The following LEKR1 variants were observed in gnomAD, a reference collection of about 807,000 sequenced individuals.
The protein encoded by LEKR1 is protein LEKR1.
In LEKR1, 59 loss-of-function variants were observed where a neutral mutation model predicts 72.4. That is an observed-to-expected ratio of 0.82 (90% confidence interval 0.66 to 1.01). LEKR1 has a LOEUF of 1.01. LEKR1 is among the 50% of genes least tolerant of loss of function. The probability of loss-of-function intolerance (pLI) is 0.00; values close to 1 mark genes in which losing one functional copy is unlikely to be tolerated. For synonymous variants in LEKR1, 257 were observed against 263.2 expected (o/e 0.98, Z 0.23); for missense variants, 728 against 759.2 (o/e 0.96, Z 0.48).
At chr3:156,853,073 T>G in intron 3 of LEKR1, 91 bp downstream of exon 3, 1 of 757,284 alleles carries the variant, frequency 1.3e-6, no homozygotes. Context: ...AAAATTTCTC[T>G]ACATCAGGTA....
intron 12 of LEKR1, among the ~76,000 whole-genome samples, chr3:157,041,239 C>A (rs1735319023): frequency 6.6e-6 from 1 of 152,136 alleles, no homozygotes; most frequent in Non-Finnish European, 1.5e-5. Context: ...TAGTTCTCCC[C>A]TGCCTAGACC....
intron 12 of LEKR1, among the ~76,000 whole-genome samples, chr3:157,042,636 C>T (rs1577034712): frequency 1.3e-5 from 2 of 152,232 alleles, no homozygotes; most frequent in East Asian, 3.9e-4. Context: ...GATCATTACT[C>T]CTTTCCTTTG....
intron 3 of LEKR1, among the ~76,000 whole-genome samples, chr3:156,884,028 GTC>G (rs1361369717): frequency 6.6e-6 from 1 of 152,112 alleles, no homozygotes; most frequent in Non-Finnish European, 1.5e-5. Flanking sequence ...ATTACATAAT[GTC>G]TCTGTCTTTT....
intron 6 of LEKR1, among the ~76,000 whole-genome samples, chr3:156,955,326 A>T (rs1039190030): frequency 3.9e-5 from 6 of 151,974 alleles, no homozygotes; most frequent in African/African-American, 1.4e-4. Context: ...TCCTATTTGG[A>T]TATCCTTTAT....
At chr3:156,919,130 G>A (rs1299185187) in intron 3 of LEKR1, among the ~76,000 whole-genome samples, 1 of 152,156 alleles carries the variant, frequency 6.6e-6, no homozygotes, top group Non-Finnish European at 1.5e-5. Flanking sequence ...CTTGCAAATC[G>A]AGAGTACCCT....
At chr3:156,950,184 C>T (rs1727024106) in intron 6 of LEKR1, among the ~76,000 whole-genome samples, 1 of 151,164 alleles carries the variant, frequency 6.6e-6, no homozygotes, top group Admixed American at 6.6e-5. Flanking sequence ...ATTTCTTCTT[C>T]TTTATTTGTA....
chr3:156,943,150 A>G (rs1726376413), intron 6 of LEKR1, among the ~76,000 whole-genome samples: 1 of 151,992 alleles, frequency 6.6e-6, no homozygotes, highest in Non-Finnish European at 1.5e-5. Context: ...GTGTCTTGAC[A>G]GTAAATGTAA....
chr3:156,879,894 T>C (rs1719084452), intron 3 of LEKR1, among the ~76,000 whole-genome samples: 1 of 152,126 alleles, frequency 6.6e-6, no homozygotes, highest in African/African-American at 2.4e-5. Flanking sequence ...AGAATTGAGG[T>C]TTGGGAACCT....
At chr3:157,025,059 G>A (rs1381822042) in intron 11 of LEKR1, 135 bp downstream of exon 11, 3 of 585,194 alleles carry the variant, frequency 5.1e-6, no homozygotes, top group East Asian at 3.0e-5. Context: ...TTTTAGCTAT[G>A]CAGGTAAGAC....
intron 3 of LEKR1, among the ~76,000 whole-genome samples, chr3:156,855,490 G>A (rs967614351): frequency 1.3e-5 from 2 of 152,056 alleles, no homozygotes; most frequent in African/African-American, 4.8e-5. Flanking sequence ...TTGTTTATTT[G>A]TAGGTGCTTT....
rs564668960 is a variant in LEKR1, at chr3:156,948,442, A to G, written c.745+5728A>G. Among the ~76,000 whole-genome samples the G allele has an allele frequency of 2.0e-5, 3 of 151,312 alleles. No homozygotes were observed. The South Asian group carries it at 6.2e-4, about 31-fold the overall frequency. On this transcript the variant is annotated intron_variant, in intron 6 of 12. Coordinates refer to ENST00000356539, the MANE Select transcript of LEKR1 (RefSeq NM_001004316.3). Reference sequence around the variant, plus strand: ...GGCCTACAACTTCCCAAAAGAGTTCATCTATTTTTTCCCAGTGTTTATATC... The same window carrying G: ...GGCCTACAACTTCCCAAAAGAGTTCGTCTATTTTTTCCCAGTGTTTATATC...
intron 3 of LEKR1, among the ~76,000 whole-genome samples, chr3:156,865,778 A>G (rs1229743822): frequency 6.6e-6 from 1 of 151,972 alleles, no homozygotes; most frequent in African/African-American, 2.4e-5. Flanking sequence ...TTATCCCTCG[A>G]GCCTCACTCT....
intron 5 of LEKR1, among the ~76,000 whole-genome samples, chr3:156,937,370 T>C (rs1725814776): frequency 1.3e-5 from 2 of 151,994 alleles, no homozygotes; most frequent in African/African-American, 4.8e-5. Context: ...AAGATATCAG[T>C]AGAAATTTAA....
intron 3 of LEKR1, among the ~76,000 whole-genome samples, chr3:156,909,836 T>C (rs761898908): frequency 7.2e-5 from 11 of 152,116 alleles, no homozygotes; most frequent in East Asian, 1.9e-4. Flanking sequence ...TCTTGGTGCA[T>C]TGGGCTTTTT....
chr3:156,872,957 C>G (rs1718127668), intron 3 of LEKR1, among the ~76,000 whole-genome samples: 1 of 151,752 alleles, frequency 6.6e-6, no homozygotes, highest in African/African-American at 2.4e-5. Context: ...CTGTTAGGTC[C>G]CTTTAGTTTA....
intron 2 of LEKR1, among the ~76,000 whole-genome samples, chr3:156,830,609 AG>A (rs1712251177): frequency 6.6e-6 from 1 of 152,202 alleles, no homozygotes; most frequent in Admixed American, 6.5e-5. Flanking sequence ...TTATAATGAA[AG>A]CATAGTTTTT....
At chr3:156,868,851 C>A (rs1015813931) in intron 3 of LEKR1, among the ~76,000 whole-genome samples, 1 of 151,486 alleles carries the variant, frequency 6.6e-6, no homozygotes, top group African/African-American at 2.4e-5. Flanking sequence ...TCCCACCATA[C>A]AGCATTCTCA....
At chr3:157,020,161 AC>A (rs1733700432) in intron 10 of LEKR1, among the ~76,000 whole-genome samples, 1 of 152,096 alleles carries the variant, frequency 6.6e-6, no homozygotes, top group Non-Finnish European at 1.5e-5. Flanking sequence ...CTCGAGTAAA[AC>A]AGAACATTCA....
chr3:156,942,861 TA>T, intron 6 of LEKR1, 147 bp downstream of exon 6: 1 of 335,354 alleles, frequency 3.0e-6, no homozygotes, highest in Non-Finnish European at 5.4e-6. Flanking sequence ...ACTATGGTGA[TA>T]ACTGTGTCTG....
Sources: allele counts gnomAD v4.1 joint callset (sites outside exome capture counted in the v4.1 genomes callset), GRCh38; gene constraint gnomAD v4.1.1; transcripts MANE v1.5; gene names NCBI Gene and HGNC (gene_info 2026-07-23, HGNC 2026-07-21).